SFPQ: variants seen among roughly 807,000 people sequenced by gnomAD.
SFPQ encodes splicing factor proline and glutamine rich.
In SFPQ, 11 loss-of-function variants were observed where a neutral mutation model predicts 72.9. That is an observed-to-expected ratio of 0.15 (90% CI 0.09 to 0.25). The LOEUF (loss-of-function observed/expected upper bound fraction) is 0.25, where lower values mean the gene tolerates loss of function less well. Among genes scored for constraint, SFPQ ranks in the 10% least tolerant of loss-of-function variants. SFPQ has a pLI of 1.00. For missense variants in SFPQ, 847 were observed against 993.3 expected (o/e 0.85, Z 1.98); for synonymous variants, 506 against 367.3 (o/e 1.38, Z -4.32).
Position 35,193,119 on chromosome 1 carries a change from T to G in SFPQ, c.-70A>C. On this transcript the variant is annotated 5_prime_UTR_variant, in exon 1 of 10. Coordinates refer to ENST00000357214, the MANE Select transcript of SFPQ (RefSeq NM_005066.3). ...CAGGAAACGTGGAGGCCACCTTGCT[T>G]CTCACAAAATGGCGGATGACACAGG... 2.0e-6 allele frequency: 3 copies of G among 1,486,002 alleles called. No homozygotes were observed. Among genetic ancestry groups the G allele is most frequent in the South Asian group, 1.3e-5 (1 of 76,732 alleles). 92.1% of individuals were successfully genotyped at this position (1,486,002 alleles called of 1,614,324 possible). A position where few individuals can be genotyped will look rare whatever the true frequency, so the allele number is the denominator to read the frequency against.
rs1639994715 is a variant in SFPQ, at chr1:35,191,516, T to C, written c.842A>G (p.Asn281Ser). 2 of 1,612,168 alleles carry C rather than the reference T, an allele frequency of 1.2e-6. No homozygotes were observed. Among genetic ancestry groups the C allele is most frequent in the Admixed American group, 1.7e-5 (1 of 59,220 alleles). The change falls in exon 2 of 10, where the codon AAT (asparagine) becomes AGT (serine). Residue 281 changes from asparagine (N) to serine (S), a missense_variant. Physicochemically the swap from Asn to Ser is conservative, Grantham distance 46 (BLOSUM62 1). This residue lies in a region of SFPQ where 498 missense variants were observed against 405.1 expected (regional missense o/e 1.23). Transcript: ENST00000357214. ...KISDSEGFKA[N>S]LSLLRRPGEK... ...TCCAGGCCTCCTCAAGAGAGACAAA[T>C]TGGCTTTAAACCCCTAATGAAAAAG...
At position 35,189,402 on chromosome 1, in the gene SFPQ, TA is replaced by T; in HGVS notation, c.1416-21del. The T allele has an allele frequency of 1.9e-6, 3 of 1,591,188 alleles. No homozygotes were observed. Among genetic ancestry groups the T allele is most frequent in the Non-Finnish European group, 2.6e-6 (3 of 1,161,050 alleles). On this transcript the variant is annotated intron_variant, in intron 4 of 9. Coordinates refer to ENST00000357214, the MANE Select transcript of SFPQ (RefSeq NM_005066.3). Reference sequence around the variant, plus strand: ...CTCTCCCTAACAATACACAAAATTTTAACATGAACCGATTTGTGAATGCATA... The same window carrying T: ...CTCTCCCTAACAATACACAAAATTTTACATGAACCGATTTGTGAATGCATA...
chr1:35,188,021 C>T lies in SFPQ; in HGVS notation c.1767G>A (p.Met589Ile), dbSNP rs1392770858. The T allele has an allele frequency of 1.2e-6, 2 of 1,614,182 alleles. No homozygotes were observed. The highest frequency in any genetic ancestry group is 1.3e-5 in the African/African-American group (1 of 75,058). ...TGTAACTTTCCTCTCTTTGGCGCCT[C>T]ATTTGTTCTTCCATCTCACGTTGAC... Reference protein sequence around the residue: ...MIRQREMEEQMRRQREESYSR... With the variant: ...MIRQREMEEQIRRQREESYSR... Residue 589 changes from methionine (M) to isoleucine (I), a missense_variant, in exon 7 of 10, where the codon ATG (methionine) becomes ATA (isoleucine). By Grantham distance (10) the Met-to-Ile change is conservative. Transcript: ENST00000357214.
In SFPQ at chr1:35,189,235, A is replaced by G; in HGVS notation, c.1563T>C (p.Ser521=). The change falls in exon 5 of 10, where the codon AGT becomes AGC. Residue 521 remains serine, a synonymous_variant. Coordinates refer to ENST00000357214, the MANE Select transcript of SFPQ (RefSeq NM_005066.3). ...GTTCATGATAGGCATCTTCCATTTC[A>G]CTTTCCAATTTGTCTTTTGCATCTT... ...NMKDAKDKLE[S]EMEDAYHEHQ... 1 of 1,613,710 alleles carries G rather than the reference A, an allele frequency of 6.2e-7. No homozygotes were observed. Among genetic ancestry groups the G allele is most frequent in the Non-Finnish European group, 8.5e-7 (1 of 1,179,804 alleles).
downstream of SFPQ, chr1:35,182,091 T>C (rs955000476): frequency 1.9e-5 from 19 of 985,228 alleles, no homozygotes; most frequent in South Asian, 4.7e-5. Flanking sequence ...GCATCCCTTA[T>C]AAAGAAAGGC....
intron 7 of SFPQ, 114 bp downstream of exon 7, chr1:35,187,859 A>G: frequency 1.4e-6 from 1 of 704,990 alleles, no homozygotes; most frequent in Admixed American, 2.3e-5. Flanking sequence ...ATACTTTGTT[A>G]GAAAAAAAGC....
At chr1:35,188,897 G>A (rs544620658) in intron 6 of SFPQ, 106 bp downstream of exon 6, 6 of 832,274 alleles carry the variant, frequency 7.2e-6, no homozygotes, top group South Asian at 4.6e-5. Context: ...GGAAGCGGAG[G>A]TTGTGGTGAG....
intron 1 of SFPQ, 51 bp downstream of exon 1, chr1:35,192,171 G>T: frequency 7.7e-7 from 1 of 1,306,274 alleles, no homozygotes; most frequent in Non-Finnish European, 9.7e-7. Flanking sequence ...GGCGAGGAGG[G>T]GGCCGCCGCC....
chr1:35,185,906 T>C (rs1250051330), intron 9 of SFPQ, among the ~76,000 whole-genome samples: 1 of 152,204 alleles, frequency 6.6e-6, no homozygotes, highest in African/African-American at 2.4e-5. Flanking sequence ...TATAAACCTT[T>C]AATTGTGAGA....
chr1:35,192,599 G>C lies in SFPQ; in HGVS notation c.451C>G (p.Pro151Ala). 7.4e-7 allele frequency: 1 copy of C among 1,344,458 alleles called. No individual in the cohort carries two copies. The highest frequency in any genetic ancestry group is 9.5e-7 in the Non-Finnish European group (1 of 1,054,708). 83.3% of individuals were successfully genotyped at this position (1,344,458 alleles called of 1,614,324 possible). Residue 151 changes from proline to alanine, a missense_variant, in exon 1 of 10, where the codon CCG becomes GCG. Pro to Ala is a conservative substitution (Grantham distance 27). Around this residue, in one of 6 missense-constraint regions of SFPQ, gnomAD observed 498 missense variants for 405.1 expected, o/e 1.23. Transcript: ENST00000357214. ...APPGSGPGPT[P>A]TPPPAVTSAP... ...GAGGTGACTGCAGGCGGCGGGGTCG[G>C]AGTCGGGCCTGGCCCGGACCCTGGC...
At chr1:35,191,816 G>C (rs1570140523) in intron 1 of SFPQ, among the ~76,000 whole-genome samples, 3 of 152,300 alleles carry the variant, frequency 2.0e-5, no homozygotes, top group African/African-American at 7.2e-5. Context: ...TAAATAGTAT[G>C]AAAATTAAAA....
rs890438165 is a variant in SFPQ, at chr1:35,192,813, C to G, written c.237G>C (p.Pro79=). ...QQQPPPQQPP[P]QQPPPHQPPP... ...GCGGCTGATGCGGTGGCGGCTGCTG[C>G]GGCGGTGGCTGCTGCGGTGGTGGCT... is the stretch of plus-strand genomic sequence containing the variant. Residue 79 remains proline (P), a synonymous_variant, in exon 1 of 10, where the codon CCG becomes CCC. Coordinates refer to ENST00000357214, the MANE Select transcript of SFPQ (RefSeq NM_005066.3). The G allele has an allele frequency of 1.1e-5, 16 of 1,502,846 alleles. No individual in the cohort carries two copies. Among genetic ancestry groups the G allele is most frequent in the Middle Eastern group, 4.5e-4 (2 of 4,424 alleles). The allele number at this position is 1,502,846 out of a possible 1,614,324, so 93.1% of individuals were successfully genotyped here.
chr1:35,182,271 G>GT, downstream of SFPQ: 1 of 985,142 alleles, frequency 1.0e-6, no homozygotes, highest in Non-Finnish European at 1.2e-6. Context: ...CAACCAAACT[G>GT]TAATGGATTC....
downstream of SFPQ, chr1:35,179,803 AC>A (rs1323001871): frequency 4.7e-6 from 5 of 1,054,806 alleles, no homozygotes; most frequent in Non-Finnish European, 5.7e-6. Flanking sequence ...TAAGAAATAG[AC>A]CTGAGTTTTT....
In SFPQ at chr1:35,192,472, CCCGGGA is replaced by C; in HGVS notation, c.572_577del (p.Val191_Pro192del). ...GCCCTGCTTAGGCCCTGGACCCGGG[CCCGGGA>C]CTGCCGCGGGCGGAGGCGGCGGGCC... On this transcript the variant is annotated inframe_deletion, in exon 1 of 10. Transcript: ENST00000357214. 1 of 1,338,660 alleles carries C rather than the reference CCCGGGA, an allele frequency of 7.5e-7. No individual in the cohort carries two copies. The highest frequency in any genetic ancestry group is 9.5e-7 in the Non-Finnish European group (1 of 1,052,380). The allele number at this position is 1,338,660 out of a possible 1,614,324, so 82.9% of individuals were successfully genotyped here. A position where few individuals can be genotyped will look rare whatever the true frequency, so the allele number is the denominator to read the frequency against.
chr1:35,192,269 G>GCCCGC lies in SFPQ; in HGVS notation c.780_781insGCGGG (p.Pro261AlafsTer27), dbSNP rs1640054096. ...TCGCTGCGGCCGCCGGGCCCGCCGG[G>GCCCGC]CGGGGGCCCCTGGTGATGCTGCTGG... On this transcript the variant is annotated frameshift_variant, in exon 1 of 10. Coordinates refer to ENST00000357214, the MANE Select transcript of SFPQ (RefSeq NM_005066.3). LOFTEE classifies it high-confidence loss of function. 4.8e-6 allele frequency: 7 copies of GCCCGC among 1,464,104 alleles called. No individual in the cohort carries two copies. The South Asian group carries it at 6.5e-5, about 14-fold the overall frequency. The allele number at this position is 1,464,104 out of a possible 1,614,324, so 90.7% of individuals were successfully genotyped here.
chr1:35,178,108 C>A, downstream of SFPQ: 2 of 1,174,672 alleles, frequency 1.7e-6, no homozygotes, highest in East Asian at 5.1e-5. Context: ...TGCTAGTCAA[C>A]TTCAAAATTT....
chr1:35,189,750 A>T (rs774169115), intron 4 of SFPQ, among the ~76,000 whole-genome samples: 1 of 152,028 alleles, frequency 6.6e-6, no homozygotes, highest in Non-Finnish European at 1.5e-5. Context: ...TGAGTTTAAG[A>T]CCCATCTGGC....
downstream of SFPQ, chr1:35,179,032 G>A (rs1639361815): frequency 2.8e-6 from 3 of 1,059,034 alleles, no homozygotes; most frequent in South Asian, 4.6e-5. Context: ...ATGATTAGGA[G>A]CAGTCAAATC....
Sources: gnomAD v4.1 joint callset for allele counts (sites outside exome capture counted in the v4.1 genomes callset) on GRCh38, gnomAD v4.1.1 for gene constraint, gnomAD v4.1.1 regional missense constraint, MANE v1.5 for transcripts, NCBI Gene and HGNC (gene_info 2026-07-23, HGNC 2026-07-21) for gene names.